EFCAB5: variants seen among roughly 807,000 people sequenced by gnomAD.
The protein encoded by EFCAB5 is EF-hand calcium binding domain 5, also known as EF-hand calcium-binding domain-containing protein 5.
EFCAB5 carries 131 observed loss-of-function variants against 167.9 expected under a neutral mutation model. The ratio of observed to expected loss-of-function variants is 0.78; its 90% confidence interval spans 0.68 to 0.90. The LOEUF is 0.90. Among genes scored for constraint, EFCAB5 ranks in the 40% least tolerant of loss-of-function variants. EFCAB5 has a pLI of 0.00. For synonymous variants in EFCAB5, 574 were observed against 602.8 expected (o/e 0.95, Z 0.70); for missense variants, 1,663 against 1,745.2 (o/e 0.95, Z 0.84).
At chr17:30,023,832 C>T (rs543360199) in intron 7 of EFCAB5, among the ~76,000 whole-genome samples, 33 of 152,266 alleles carry the variant, frequency 2.2e-4, no homozygotes, top group African/African-American at 7.9e-4. Context: ...GCTTATCCAC[C>T]ATGATCAAGT....
At chr17:29,957,661 A>C (rs1254230657) in intron 3 of EFCAB5, among the ~76,000 whole-genome samples, 3 of 152,136 alleles carry the variant, frequency 2.0e-5, no homozygotes, top group Non-Finnish European at 4.4e-5. Flanking sequence ...ACATGATCTC[A>C]TTCCTTTTTA....
At chr17:29,976,874 G>C (rs1245575335) in intron 4 of EFCAB5, among the ~76,000 whole-genome samples, 5 of 152,152 alleles carry the variant, frequency 3.3e-5, no homozygotes, top group Non-Finnish European at 5.9e-5. Flanking sequence ...AGAAGACACT[G>C]CTTACTTATT....
At chr17:30,002,560 C>G (rs995755089) in intron 7 of EFCAB5, among the ~76,000 whole-genome samples, 1 of 152,212 alleles carries the variant, frequency 6.6e-6, no homozygotes, top group Non-Finnish European at 1.5e-5. Flanking sequence ...TCCATCACAT[C>G]AGGCACTGTT....
upstream of EFCAB5, among the ~76,000 whole-genome samples, chr17:29,939,133 A>G (rs2067268877): frequency 6.6e-6 from 1 of 152,208 alleles, no homozygotes; most frequent in African/African-American, 2.4e-5. Flanking sequence ...GCGTGGGAAC[A>G]ACATTAATTA....
At chr17:30,082,142 C>A (rs1439960683) in intron 17 of EFCAB5, among the ~76,000 whole-genome samples, 1 of 152,156 alleles carries the variant, frequency 6.6e-6, no homozygotes. Flanking sequence ...CCAAACATGT[C>A]CTATACTGTC....
chr17:30,053,780 G>T lies in EFCAB5; in HGVS notation c.1826G>T (p.Arg609Leu), dbSNP rs1376803775. 6.8e-6 allele frequency: 11 copies of T among 1,613,848 alleles called. No homozygotes were observed. The Middle Eastern group carries it at 1.8e-3, about 266-fold the overall frequency. The change falls in exon 10 of 23, where the codon CGC becomes CTC. Residue 609 changes from arginine to leucine, a missense_variant. Transcript: ENST00000394835. ...GAGTCAGTTGCAGAACAAGGGTCACGCAGAGAGTCTATTGCAGAACAAGAT... is the reference window on the plus strand; with the variant it reads ...GAGTCAGTTGCAGAACAAGGGTCACTCAGAGAGTCTATTGCAGAACAAGAT... ...SRESVAEQGSRRESIAEQDRH... is the reference protein window; with the variant it reads ...SRESVAEQGSLRESIAEQDRH...
At chr17:29,985,481 T>C (rs2068261951) in intron 4 of EFCAB5, among the ~76,000 whole-genome samples, 1 of 151,388 alleles carries the variant, frequency 6.6e-6, no homozygotes, top group Admixed American at 6.6e-5. Context: ...AAGTGTGGAG[T>C]GGGAAATAAG....
Position 30,091,761 on chromosome 17 carries a change from T to C in EFCAB5, c.3938-110T>C. 5 of 1,281,780 alleles carry C rather than the reference T, an allele frequency of 3.9e-6. No individual in the cohort carries two copies. In the South Asian group the frequency reaches 9.1e-5, roughly 23 times the overall value. 79.4% of individuals were successfully genotyped at this position (1,281,780 alleles called of 1,614,324 possible). On this transcript the variant is annotated intron_variant, in intron 20 of 22. Coordinates refer to ENST00000394835, the MANE Select transcript of EFCAB5 (RefSeq NM_198529.4). ...AAAACCAAAGGCTATGGTCTGCTTT[T>C]TCTTGACAAAAACATTTACTATAAT...
chr17:30,033,084 T>C (rs2069520719), intron 7 of EFCAB5, among the ~76,000 whole-genome samples: 1 of 147,938 alleles, frequency 6.8e-6, no homozygotes, highest in Non-Finnish European at 1.5e-5. Flanking sequence ...AGCTCACACT[T>C]TTTTTTTTTT....
chr17:30,002,892 T>A (rs977523630), intron 7 of EFCAB5, among the ~76,000 whole-genome samples: 3 of 152,226 alleles, frequency 2.0e-5, no homozygotes, highest in African/African-American at 7.2e-5. Flanking sequence ...TTCTCTCATT[T>A]CCTTCTGATC....
Position 29,993,230 on chromosome 17 carries a change from T to A in EFCAB5, c.833T>A (p.Ile278Lys), listed in dbSNP as rs4795524. Residue 278 changes from isoleucine (I) to lysine (K), a missense_variant, in exon 5 of 23, where the codon ATA becomes AAA. Physicochemically the swap from Ile to Lys is moderately radical, Grantham distance 102 (BLOSUM62 -3). Coordinates refer to ENST00000394835, the MANE Select transcript of EFCAB5 (RefSeq NM_198529.4). Reference protein sequence around the residue: ...RKQRESIDKIIVKVANTRKQA... With the variant: ...RKQRESIDKIKVKVANTRKQA... ...CAAAGAGAAAGCATAGACAAAATCA[T>A]AGTCAAGGTGGCCAACACACGGAAA... 0.98 allele frequency: 1,576,398 copies of A among 1,613,816 alleles called. 769,999 individuals are homozygous for A. The highest frequency in any genetic ancestry group is 1 in the East Asian group (44,863 of 44,866).
chr17:30,057,163 G>T (rs181543920), intron 12 of EFCAB5, among the ~76,000 whole-genome samples: 4 of 152,054 alleles, frequency 2.6e-5, no homozygotes, highest in African/African-American at 9.7e-5. Context: ...CTGTTTTCAG[G>T]CACAACTAGA....
chr17:29,942,997 C>T (rs919594603), intron 2 of EFCAB5, among the ~76,000 whole-genome samples: 2 of 151,818 alleles, frequency 1.3e-5, no homozygotes, highest in African/African-American at 4.8e-5. Context: ...GAGATCATGC[C>T]ACTGCACTCC....
intron 14 of EFCAB5, among the ~76,000 whole-genome samples, chr17:30,077,784 C>T (rs934152710): frequency 1.4e-4 from 22 of 152,180 alleles, no homozygotes; most frequent in African/African-American, 5.1e-4. Flanking sequence ...TTTAATTTTA[C>T]AAACACGTAT....
At chr17:29,958,306 A>G (rs868458079) in intron 3 of EFCAB5, among the ~76,000 whole-genome samples, 4 of 152,102 alleles carry the variant, frequency 2.6e-5, no homozygotes, top group Non-Finnish European at 4.4e-5. Flanking sequence ...TCTATTTTCT[A>G]GATACTGCAG....
At chr17:30,000,586 T>C (rs1829009774) in intron 7 of EFCAB5, among the ~76,000 whole-genome samples, 1 of 152,208 alleles carries the variant, frequency 6.6e-6, no homozygotes, top group African/African-American at 2.4e-5. Flanking sequence ...GTTTCTCCAT[T>C]TCCCCTTGTT....
At position 29,943,640 on chromosome 17, in the gene EFCAB5, A is replaced by G. The variant is rs1257364854; in HGVS notation, c.181A>G (p.Lys61Glu). ...SVVEKAMDEI[K>E]SQELNLEGQR... ...GGTGGAGAAAGCAATGGATGAAATC[A>G]AATCCCAAGGTAGAGAACTAGCCTT... is the stretch of plus-strand genomic sequence containing the variant. The change falls in exon 3 of 23, where the codon AAA becomes GAA. Residue 61 changes from lysine (K) to glutamate (E), a missense_variant. Lys to Glu is a moderately conservative substitution (Grantham distance 56). Coordinates refer to ENST00000394835, the MANE Select transcript of EFCAB5 (RefSeq NM_198529.4). 1 of 1,575,304 alleles carries G rather than the reference A, an allele frequency of 6.3e-7. No individual in the cohort carries two copies. The highest frequency in any genetic ancestry group is 1.8e-5 in the Admixed American group (1 of 54,190).
At chr17:29,965,066 T>C (rs2067801838) in intron 3 of EFCAB5, among the ~76,000 whole-genome samples, 1 of 151,754 alleles carries the variant, frequency 6.6e-6, no homozygotes, top group African/African-American at 2.4e-5. Context: ...CACATCCGGC[T>C]AATTTTTTTT....
intron 21 of EFCAB5, among the ~76,000 whole-genome samples, 169 bp from the exon 22 acceptor site, chr17:30,092,671 G>A (rs574687367): frequency 1.7e-4 from 26 of 152,222 alleles, no homozygotes; most frequent in African/African-American, 5.5e-4. Flanking sequence ...TTACAGGCGT[G>A]AGCCACCACA....
Sources: gnomAD v4.1 joint callset for allele counts (sites outside exome capture counted in the v4.1 genomes callset) on GRCh38, gnomAD v4.1.1 for gene constraint, MANE v1.5 for transcripts, NCBI Gene and HGNC (gene_info 2026-07-23, HGNC 2026-07-21) for gene names.